The following INVS variants were observed in gnomAD, a reference collection of about 807,000 sequenced individuals.
The protein encoded by INVS is inversion of embryo turning homolog.
INVS carries 86 observed loss-of-function variants against 108.8 expected under a neutral mutation model. The ratio of observed to expected loss-of-function variants is 0.79; its 90% confidence interval spans 0.66 to 0.95. INVS has a LOEUF of 0.95. Among genes scored for constraint, INVS ranks in the 40% least tolerant of loss-of-function variants. INVS has a pLI of 0.00. For missense variants in INVS, 1,169 were observed against 1,297.4 expected, an observed-to-expected ratio of 0.90 and a Z score of 1.52; for synonymous variants, 455 against 473.5, an observed-to-expected ratio of 0.96 and a Z score of 0.51.
chr9:100,229,894 A>G, intron 5 of INVS, 67 bp downstream of exon 5: 1 of 1,460,880 alleles, frequency 6.8e-7, no homozygotes, highest in Non-Finnish European at 9.5e-7. Context: ...TATTTAATAT[A>G]TACAAAAGTG....
chr9:100,289,526 A>C (rs1309647518), intron 13 of INVS, among the ~76,000 whole-genome samples: 1 of 152,258 alleles, frequency 6.6e-6, no homozygotes, highest in African/African-American at 2.4e-5. Flanking sequence ...CTACCTGGGC[A>C]GTTCCTCTTC....
intron 16 of INVS, chr9:100,298,245 A>G: frequency 2.1e-6 from 3 of 1,410,482 alleles, no homozygotes; most frequent in East Asian, 5.5e-5. Context: ...AATGGTAGCT[A>G]TTATTGATCA....
At chr9:100,180,192 G>C (rs1299989011) in intron 3 of INVS, among the ~76,000 whole-genome samples, 1 of 152,110 alleles carries the variant, frequency 6.6e-6, no homozygotes, top group African/African-American at 2.4e-5. Flanking sequence ...AAGTGGGAAA[G>C]ATCTAAAATC....
At chr9:100,126,262 A>C in intron 2 of INVS, 121 bp from the exon 3 acceptor site, 2 of 805,994 alleles carry the variant, frequency 2.5e-6, no homozygotes, top group Non-Finnish European at 4.0e-6. Context: ...AGGACAAGTA[A>C]AAATAAGATG....
rs181874380 is a variant in INVS, at chr9:100,151,132, A to T, written c.273+24583A>T. On this transcript the variant is annotated intron_variant, in intron 3 of 16. Transcript: ENST00000262457. ...AGCATTCATTCCAGGCAGAAGAAAC[A>T]GTCAGAACAAAGGCCTTCAGATGGG... is the stretch of plus-strand genomic sequence containing the variant. Among the ~76,000 whole-genome samples, 138 of 152,296 alleles carry T rather than the reference A, an allele frequency of 9.1e-4. 2 individuals carry two copies. Among genetic ancestry groups the T allele is most frequent in the Admixed American group, 8.6e-3 (132 of 15,298 alleles).
At chr9:100,281,509 A>T (rs1833275594) in intron 12 of INVS, among the ~76,000 whole-genome samples, 1 of 152,072 alleles carries the variant, frequency 6.6e-6, no homozygotes, top group Non-Finnish European at 1.5e-5. Flanking sequence ...TTTTAATCCC[A>T]CTCCGTTTTT....
At chr9:100,288,924 G>A (rs536957769) in intron 13 of INVS, among the ~76,000 whole-genome samples, 2 of 152,192 alleles carry the variant, frequency 1.3e-5, no homozygotes, top group East Asian at 1.9e-4. Context: ...TATTGTGTCC[G>A]CCCTGATTTG....
intron 2 of INVS, among the ~76,000 whole-genome samples, chr9:100,107,598 G>A (rs1827218768): frequency 6.6e-6 from 1 of 152,078 alleles, no homozygotes; most frequent in Non-Finnish European, 1.5e-5. Context: ...CCTATTCTCT[G>A]TCTGAATAAC....
At chr9:100,245,143 A>G (rs1832001933) in intron 7 of INVS, among the ~76,000 whole-genome samples, 1 of 152,206 alleles carries the variant, frequency 6.6e-6, no homozygotes, top group South Asian at 2.1e-4. Context: ...AAAAGTTTCT[A>G]TGATCTTTCT....
intron 2 of INVS, among the ~76,000 whole-genome samples, chr9:100,110,281 G>T (rs987041543): frequency 6.6e-6 from 1 of 152,092 alleles, no homozygotes; most frequent in East Asian, 1.9e-4. Flanking sequence ...AAGAGTTTGG[G>T]GTATTAGTAT....
At chr9:100,136,179 A>G (rs1294797102) in intron 3 of INVS, among the ~76,000 whole-genome samples, 1 of 152,190 alleles carries the variant, frequency 6.6e-6, no homozygotes, top group Non-Finnish European at 1.5e-5. Context: ...CAAGCTAGAT[A>G]TATATCACTG....
intron 16 of INVS, among the ~76,000 whole-genome samples, chr9:100,299,634 TGACACA>T (rs779363753): frequency 3.7e-5 from 3 of 81,760 alleles, no homozygotes; most frequent in Admixed American, 1.3e-4. Context: ...AGCCTTTTAT[TGACACA>T]CACACACACA....
At chr9:100,170,393 CAAAAA>C (rs10585469) in intron 3 of INVS, among the ~76,000 whole-genome samples, 5 of 122,832 alleles carry the variant, frequency 4.1e-5, no homozygotes, top group Admixed American at 8.2e-5. Flanking sequence ...CCTGTCTGTA[CAAAAA>C]AAAAAAAAAA....
At chr9:100,281,749 C>G (rs1013527223) in intron 12 of INVS, among the ~76,000 whole-genome samples, 1 of 145,356 alleles carries the variant, frequency 6.9e-6, no homozygotes, top group Non-Finnish European at 1.5e-5. Context: ...CTGGTATCCC[C>G]CCTCCAAAGC....
intron 2 of INVS, among the ~76,000 whole-genome samples, chr9:100,121,359 G>A (rs1412135744): frequency 3.3e-5 from 5 of 152,126 alleles, no homozygotes; most frequent in Admixed American, 1.3e-4. Context: ...GGGATCATAC[G>A]GGGCATGTAT....
At position 100,194,987 on chromosome 9, in the gene INVS, C is replaced by T. The variant is rs150037299; in HGVS notation, c.274-31075C>T. Among the ~76,000 whole-genome samples the T allele has an allele frequency of 4.5e-3, 681 of 152,204 alleles. 7 individuals are homozygous for T. The highest frequency in any genetic ancestry group is 0.015 in the African/African-American group (635 of 41,540). On this transcript the variant is annotated intron_variant, in intron 3 of 16. Coordinates refer to ENST00000262457, the MANE Select transcript of INVS (RefSeq NM_014425.5). ...ACCCACTGAGTCTCCTATAGACCTC[C>T]GACATCTGCATCATAGGAGCAAAAA...
intron 6 of INVS, among the ~76,000 whole-genome samples, chr9:100,241,002 C>G (rs1010318074): frequency 6.6e-6 from 1 of 152,002 alleles, no homozygotes; most frequent in Non-Finnish European, 1.5e-5. Flanking sequence ...GAGTCAAGAG[C>G]AAAAATGCAT....
At chr9:100,196,634 A>C (rs1830382702) in intron 3 of INVS, among the ~76,000 whole-genome samples, 1 of 150,766 alleles carries the variant, frequency 6.6e-6, no homozygotes, top group African/African-American at 2.4e-5. Context: ...CTAGCTTCTT[A>C]TGCTGGAATC....
chr9:100,100,674 A>G (rs1406764311), intron 1 of INVS, among the ~76,000 whole-genome samples: 1 of 35,012 alleles, frequency 2.9e-5, no homozygotes, highest in Non-Finnish European at 4.3e-5. Flanking sequence ...TTATATATGT[A>G]CATATAATAT....
Sources: gnomAD v4.1 joint callset for allele counts (sites outside exome capture counted in the v4.1 genomes callset) on GRCh38, gnomAD v4.1.1 for gene constraint, MANE v1.5 for transcripts, NCBI Gene and HGNC (gene_info 2026-07-23, HGNC 2026-07-21) for gene names.